COL4A1: variants seen among roughly 807,000 people sequenced by gnomAD.
COL4A1 encodes the protein collagen alpha-1(IV) chain.
Under a neutral mutation model 216.6 loss-of-function variants are expected in COL4A1, and 40 were observed. The observed-to-expected ratio is 0.18, with a 90% CI of 0.14 to 0.24. The LOEUF (loss-of-function observed/expected upper bound fraction) is 0.24, where lower values mean the gene tolerates loss of function less well. Among genes scored for constraint, COL4A1 ranks in the 10% least tolerant of loss-of-function variants. COL4A1 has a pLI of 1.00. For missense variants in COL4A1, 1,628 were observed against 2,196.8 expected (o/e 0.74, Z 5.18); for synonymous variants, 839 against 810.7 (o/e 1.03, Z -0.59).
intron 1 of COL4A1, among the ~76,000 whole-genome samples, chr13:110,295,634 C>T (rs1293032487): frequency 1.3e-5 from 2 of 152,100 alleles, no homozygotes; most frequent in Non-Finnish European, 2.9e-5. Context: ...CCACATTGGT[C>T]AGGCTGGTCT....
At chr13:110,222,298 C>G (rs1880521133) in intron 2 of COL4A1, among the ~76,000 whole-genome samples, 1 of 152,162 alleles carries the variant, frequency 6.6e-6, no homozygotes. Flanking sequence ...CTGGAGAAAA[C>G]CCAAACTCTG....
At chr13:110,284,298 A>C (rs1344136227) in intron 1 of COL4A1, among the ~76,000 whole-genome samples, 2 of 152,196 alleles carry the variant, frequency 1.3e-5, no homozygotes, top group Admixed American at 6.5e-5. Context: ...GGAATCTGGG[A>C]ACCCACAAGC....
At chr13:110,304,679 G>C (rs1319546255) in intron 1 of COL4A1, among the ~76,000 whole-genome samples, 1 of 152,186 alleles carries the variant, frequency 6.6e-6, no homozygotes, top group Non-Finnish European at 1.5e-5. Context: ...CAATGGTTTA[G>C]AAAATCCACC....
rs546868972 is a variant in COL4A1, at chr13:110,161,061, G to A, written c.4640+131C>T. 7.4e-5 allele frequency: 75 copies of A among 1,008,646 alleles called. 3 individuals carry two copies. In the South Asian group the frequency reaches 9.2e-4, roughly 12 times the overall value. The allele number at this position is 1,008,646 out of a possible 1,614,324, so 62.5% of individuals were successfully genotyped here. On this transcript the variant is annotated intron_variant, in intron 49 of 51. Coordinates refer to ENST00000375820, the MANE Select transcript of COL4A1 (RefSeq NM_001845.6). ...ATGGTAGATTTCCATTACAAAACTC[G>A]AATATCACAAATAATAAGCTAAATG...
chr13:110,220,740 G>A (rs779759547), intron 2 of COL4A1, among the ~76,000 whole-genome samples: 26 of 152,150 alleles, frequency 1.7e-4, no homozygotes, highest in Non-Finnish European at 2.6e-4. Context: ...TGATGGAGAT[G>A]AGCAAATCTG....
chr13:110,300,767 T>C lies in COL4A1; in HGVS notation c.84+6177A>G, dbSNP rs74124094. Reference sequence around the variant, plus strand: ...ATGTATTACTAAACAATGGTAATTTTACAACTGAACAATGTACTGATTCTA... The same window carrying C: ...ATGTATTACTAAACAATGGTAATTTCACAACTGAACAATGTACTGATTCTA... On this transcript the variant is annotated intron_variant, in intron 1 of 51. Coordinates refer to ENST00000375820, the MANE Select transcript of COL4A1 (RefSeq NM_001845.6). 4.4e-3 allele frequency among the ~76,000 whole-genome samples: 663 copies of C among 152,366 alleles called. 6 individuals carry two copies. Among genetic ancestry groups the C allele is most frequent in the African/African-American group, 0.015 (638 of 41,582 alleles).
chr13:110,181,509 C>T (rs763595016), intron 28 of COL4A1, 120 bp from the exon 29 acceptor site: 31 of 1,034,336 alleles, frequency 3.0e-5, no homozygotes, highest in Non-Finnish European at 4.4e-5. Flanking sequence ...AGAAGGTCAA[C>T]TGTGGAGGCC....
chr13:110,191,629 T>C, intron 24 of COL4A1: 1 of 690,064 alleles, frequency 1.4e-6, no homozygotes, highest in Non-Finnish European at 2.6e-6. Context: ...GGATATTTCA[T>C]TTATGGATTT....
At chr13:110,169,410 A>T (rs1877498093) in intron 43 of COL4A1, among the ~76,000 whole-genome samples, 1 of 151,966 alleles carries the variant, frequency 6.6e-6, no homozygotes, top group African/African-American at 2.4e-5. Flanking sequence ...AAAATGTTAC[A>T]ATAGTTTCCT....
At chr13:110,193,440 G>C (rs528103757) in intron 22 of COL4A1, among the ~76,000 whole-genome samples, 1 of 152,358 alleles carries the variant, frequency 6.6e-6, no homozygotes, top group Non-Finnish European at 1.5e-5. Context: ...TGAAAAAGGA[G>C]AGGAGATGCT....
intron 1 of COL4A1, among the ~76,000 whole-genome samples, chr13:110,261,130 T>G (rs969094939): frequency 6.6e-6 from 1 of 151,858 alleles, no homozygotes; most frequent in African/African-American, 2.4e-5. Context: ...GTTCACCAAT[T>G]CCATGAACTC....
chr13:110,150,101 G>T lies in COL4A1; in HGVS notation c.*262C>A. 1 of 500,676 alleles carries T rather than the reference G, an allele frequency of 2.0e-6. No homozygotes were observed. Among genetic ancestry groups the T allele is most frequent in the Non-Finnish European group, 3.7e-6 (1 of 272,656 alleles). The allele number at this position is 500,676 out of a possible 1,614,324, so 31.0% of individuals were successfully genotyped here. On this transcript the variant is annotated 3_prime_UTR_variant, in exon 52 of 52. Coordinates refer to ENST00000375820, the MANE Select transcript of COL4A1 (RefSeq NM_001845.6). Reference sequence around the variant, plus strand: ...TCTCACTTCACACATCAGTGCATTGGATTGCAGAAAATATTGATATTTTAT... The same window carrying T: ...TCTCACTTCACACATCAGTGCATTGTATTGCAGAAAATATTGATATTTTAT...
rs757502691 is a variant in COL4A1, at chr13:110,211,957, G to A, written c.388-35C>T. On this transcript the variant is annotated intron_variant, in intron 6 of 51. Coordinates refer to ENST00000375820, the MANE Select transcript of COL4A1 (RefSeq NM_001845.6). This position sits in a 1 kb window ranked among gnomAD's most constrained non-coding sequence, Gnocchi z 4.3. ...CAGCAGAGCATCATTCATACGCACT[G>A]TGTGTGGCAGACACATCAGCCCTGA... 2 of 1,602,508 alleles carry A rather than the reference G, an allele frequency of 1.2e-6. No individual in the cohort carries two copies. Among genetic ancestry groups the A allele is most frequent in the South Asian group, 2.2e-5 (2 of 90,816 alleles).
rs377421607 is a variant in COL4A1 at position 110,261,748 on chromosome 13, G to A, written c.85-19014C>T. Among the ~76,000 whole-genome samples, 5 of 152,234 alleles carry A rather than the reference G, an allele frequency of 3.3e-5. No homozygotes were observed. The East Asian group carries it at 7.7e-4, about 23-fold the overall frequency. ...TGGAGACAGTGAGGGAAGCCGCGCA[G>A]GGGCAGGGGCTCTGCCAGACATTGT... On this transcript the variant is annotated intron_variant, in intron 1 of 51. Transcript: ENST00000375820.
intron 1 of COL4A1, among the ~76,000 whole-genome samples, chr13:110,306,621 G>C (rs1423096747): frequency 6.6e-6 from 1 of 152,200 alleles, no homozygotes; most frequent in African/African-American, 2.4e-5. Context: ...CCCAGCTGCC[G>C]AGCATACCCG....
intron 1 of COL4A1, among the ~76,000 whole-genome samples, chr13:110,259,663 TA>T (rs1882736228): frequency 6.6e-6 from 1 of 152,216 alleles, no homozygotes; most frequent in South Asian, 2.1e-4. Context: ...CAAGTGAAAC[TA>T]AAAGTGTATT....
Position 110,192,730 on chromosome 13 carries a change from C to T in COL4A1, c.1465+100G>A, listed in dbSNP as rs7337040. 8,517 of 1,011,842 alleles carry T rather than the reference C, an allele frequency of 8.4e-3. 285 individuals are homozygous for T. In the African/African-American group the frequency reaches 0.1, roughly 12 times the overall value. 62.7% of individuals were successfully genotyped at this position (1,011,842 alleles called of 1,614,324 possible). On this transcript the variant is annotated intron_variant, in intron 23 of 51. Coordinates refer to ENST00000375820, the MANE Select transcript of COL4A1 (RefSeq NM_001845.6). ...CTGATTATGCTTTAGGATTGGCTGCCGAAAATCAGGCCTTCTATGGAGTGA... is the reference window on the plus strand; with the variant it reads ...CTGATTATGCTTTAGGATTGGCTGCTGAAAATCAGGCCTTCTATGGAGTGA...
Position 110,212,588 on chromosome 13 carries a change from T to C in COL4A1, c.310A>G (p.Asn104Asp). 6.2e-7 allele frequency: 1 copy of C among 1,614,170 alleles called. No homozygotes were observed. Among genetic ancestry groups the C allele is most frequent in the Non-Finnish European group, 8.5e-7 (1 of 1,180,036 alleles). The stretch of plus-strand genomic sequence containing the variant: ...TCTATACATACGGGAAGTCCTGGGT[T>C]TCCAGGGTAGCCAGATGCTCCCGGA... ...GPPGASGYPGNPGLPGIPGQD... is the reference protein window; with the variant it reads ...GPPGASGYPGDPGLPGIPGQD... Residue 104 changes from asparagine (N) to aspartate (D), a missense_variant, in exon 5 of 52, where the codon AAC becomes GAC. By Grantham distance (23) the Asn-to-Asp change is conservative (BLOSUM62 1). Around this residue, in one of 8 missense-constraint regions of COL4A1, gnomAD observed 150 missense variants for 211.9 expected, o/e 0.71. Transcript: ENST00000375820.
intron 1 of COL4A1, among the ~76,000 whole-genome samples, chr13:110,258,719 GC>G (rs1164515538): frequency 6.6e-6 from 1 of 152,084 alleles, no homozygotes; most frequent in African/African-American, 2.4e-5. Context: ...TTTGGTTGTT[GC>G]TTTGACTTCA....
Sources: gnomAD v4.1 joint callset for allele counts (sites outside exome capture counted in the v4.1 genomes callset) on GRCh38, gnomAD v4.1.1 for gene constraint, gnomAD v4.1.1 regional missense constraint, Gnocchi (gnomAD v3.1) non-coding constraint, MANE v1.5 for transcripts, NCBI Gene and HGNC (gene_info 2026-07-23, HGNC 2026-07-21) for gene names.